The following UBR2 variants were observed in gnomAD, a reference collection of about 807,000 sequenced individuals.
The protein encoded by UBR2 is ubiquitin protein ligase E3 component n-recognin 2.
In UBR2, 92 loss-of-function variants were observed where a neutral mutation model predicts 247.9. That is an observed-to-expected ratio of 0.37 (90% confidence interval 0.31 to 0.44). The LOEUF (loss-of-function observed/expected upper bound fraction) is 0.44. UBR2 is among the 20% of genes least tolerant of loss of function. The pLI, the probability that UBR2 is intolerant of heterozygous loss-of-function variation, is 1.00. For missense variants in UBR2, 1,613 were observed against 2,112.6 expected, an observed-to-expected ratio of 0.76 and a Z score of 4.64; for synonymous variants, 672 against 693.5, an observed-to-expected ratio of 0.97 and a Z score of 0.49.
intron 38 of UBR2, among the ~76,000 whole-genome samples, chr6:42,674,714 T>C (rs1798626560): frequency 2.0e-5 from 3 of 151,550 alleles, no homozygotes; most frequent in Admixed American, 2.0e-4. Flanking sequence ...GTGACCAAGA[T>C]TGCATGACTG....
At chr6:42,638,614 C>T (rs546548083) in intron 15 of UBR2, among the ~76,000 whole-genome samples, 8 of 152,176 alleles carry the variant, frequency 5.3e-5, no homozygotes, top group Admixed American at 2.0e-4. Context: ...GTGTTTTGAG[C>T]AACTGAACTG....
At chr6:42,674,215 T>A in intron 38 of UBR2, 22 bp downstream of exon 38, 1 of 1,610,652 alleles carries the variant, frequency 6.2e-7, no homozygotes, top group Non-Finnish European at 8.5e-7. Flanking sequence ...GCAGTTTGTT[T>A]GGACTTCTAC....
At chr6:42,652,776 C>T (rs1797200150) in intron 25 of UBR2, 131 bp downstream of exon 25, 2 of 858,258 alleles carry the variant, frequency 2.3e-6, no homozygotes, top group Admixed American at 6.7e-5. Flanking sequence ...TATATTGTTA[C>T]TGCTTTTGTG....
intron 37 of UBR2, 68 bp downstream of exon 37, chr6:42,673,955 A>G: frequency 7.2e-7 from 1 of 1,390,170 alleles, no homozygotes; most frequent in Non-Finnish European, 1.0e-6. Context: ...TTAATGGTAC[A>G]GCTTCTCTCA....
rs192069753 is a variant in UBR2 at position 42,659,271 on chromosome 6, G to A, written c.3243-385G>A. On this transcript the variant is annotated intron_variant, in intron 29 of 46. Coordinates refer to ENST00000372901, the MANE Select transcript of UBR2 (RefSeq NM_001363705.2). This position sits in a 1 kb window ranked among gnomAD's most constrained non-coding sequence, Gnocchi z 4.3. ...AGCACTTCGGGAGGCCAAGGCGGGC[G>A]GATCACAAGGTGAGGAGTTCGAGAC... 2.0e-5 allele frequency among the ~76,000 whole-genome samples: 3 copies of A among 152,062 alleles called. No homozygotes were observed. Among genetic ancestry groups the A allele is most frequent in the South Asian group, 2.1e-4 (1 of 4,804 alleles).
At chr6:42,586,387 T>C (rs1301083294) in intron 2 of UBR2, among the ~76,000 whole-genome samples, 1 of 152,108 alleles carries the variant, frequency 6.6e-6, no homozygotes, top group East Asian at 1.9e-4. Context: ...ACTTGTTTTA[T>C]GGTTCGGCAA....
chr6:42,688,506 C>A, intron 45 of UBR2, 120 bp downstream of exon 45: 1 of 1,200,872 alleles, frequency 8.3e-7, no homozygotes, highest in Non-Finnish European at 1.2e-6. Flanking sequence ...TGATTCATTC[C>A]AGAAACGTGG....
intron 2 of UBR2, among the ~76,000 whole-genome samples, chr6:42,588,507 A>G (rs1792439021): frequency 6.6e-6 from 1 of 152,192 alleles, no homozygotes; most frequent in Middle Eastern, 3.2e-3. Flanking sequence ...CTGTCTCTGC[A>G]AAGGAAAAAT....
chr6:42,687,167 C>G (rs990563006), intron 44 of UBR2, among the ~76,000 whole-genome samples: 1 of 152,194 alleles, frequency 6.6e-6, no homozygotes, highest in African/African-American at 2.4e-5. Flanking sequence ...GAGCCGAGAT[C>G]GCGCCACTGC....
intron 43 of UBR2, 121 bp from the exon 44 acceptor site, chr6:42,684,673 A>G (rs1799269519): frequency 5.7e-6 from 3 of 528,332 alleles, no homozygotes; most frequent in Non-Finnish European, 9.7e-6. Flanking sequence ...GGCAATAGGT[A>G]AAGTAGTGAA....
chr6:42,645,293 G>C (rs1246156285), intron 20 of UBR2, among the ~76,000 whole-genome samples, 173 bp from the exon 21 acceptor site: 1 of 152,184 alleles, frequency 6.6e-6, no homozygotes, highest in Non-Finnish European at 1.5e-5. Context: ...CTGAGACACA[G>C]AAGCATGGTC....
At position 42,564,040 on chromosome 6, in the gene UBR2, CGA is replaced by C. The variant is rs1302284205; in HGVS notation, c.-276_-275del. The C allele has an allele frequency of 8.3e-6, 4 of 481,190 alleles. No individual in the cohort carries two copies. The South Asian group carries it at 8.5e-5, about 10-fold the overall frequency. The allele number at this position is 481,190 out of a possible 1,614,324, so 29.8% of individuals were successfully genotyped here. On this transcript the variant is annotated 5_prime_UTR_variant, in exon 1 of 47. Transcript: ENST00000372901. The stretch of plus-strand genomic sequence containing the variant: ...TGGTGCAGGACGCGGTAGTGGCCAG[CGA>C]GAGTGTCAGGCCTGGGGTTTTCTGT...
At chr6:42,575,282 G>A (rs1791433004) in intron 2 of UBR2, among the ~76,000 whole-genome samples, 1 of 152,200 alleles carries the variant, frequency 6.6e-6, no homozygotes, top group South Asian at 2.1e-4. Flanking sequence ...ATCTATGGTA[G>A]TTTTCTTTAT....
chr6:42,573,050 A>G (rs1237383555), intron 1 of UBR2, among the ~76,000 whole-genome samples: 1 of 152,108 alleles, frequency 6.6e-6, no homozygotes, highest in South Asian at 2.1e-4. Context: ...TTGGTGGAGC[A>G]TGGAGGGGAG....
At chr6:42,633,728 G>A (rs564317529) in intron 13 of UBR2, among the ~76,000 whole-genome samples, 1 of 147,936 alleles carries the variant, frequency 6.8e-6, no homozygotes, top group East Asian at 2.1e-4. Context: ...TTTTTGTTTT[G>A]TTTTGTTTTG....
chr6:42,572,898 C>T (rs1382227794), intron 1 of UBR2, among the ~76,000 whole-genome samples: 4 of 151,980 alleles, frequency 2.6e-5, no homozygotes. Context: ...AGAGAAGAGA[C>T]TTCACCATGT....
At chr6:42,650,140 A>C in intron 22 of UBR2, 144 bp from the exon 23 acceptor site, 1 of 626,512 alleles carries the variant, frequency 1.6e-6, no homozygotes, top group Non-Finnish European at 2.7e-6. Flanking sequence ...TAGACTGCCA[A>C]ATCAACCCAC....
In UBR2 at chr6:42,605,763, G is replaced by A. The variant is rs185199290; in HGVS notation, c.705G>A (p.Glu235=). 13 of 1,612,382 alleles carry A rather than the reference G, an allele frequency of 8.1e-6. No homozygotes were observed. The Admixed American group carries it at 1.5e-4, about 19-fold the overall frequency. Residue 235 remains glutamate (E), a synonymous_variant, in exon 6 of 47, where the codon GAG becomes GAA. Coordinates refer to ENST00000372901, the MANE Select transcript of UBR2 (RefSeq NM_001363705.2). ...DTYYCMLFND[E]VHTYEQVIYT... ...ACTATTGCATGCTGTTTAATGATGA[G>A]GTTCACACCTATGAACAAGTTATTT...
intron 8 of UBR2, among the ~76,000 whole-genome samples, chr6:42,614,201 A>ATATAT (rs1562310707): frequency 3.1e-4 from 19 of 60,786 alleles, no homozygotes; most frequent in Non-Finnish European, 5.9e-5. Flanking sequence ...AAAAAAAAAA[A>ATATAT]AAAACTATAT....
Sources: gnomAD v4.1 joint callset for allele counts (sites outside exome capture counted in the v4.1 genomes callset) on GRCh38, gnomAD v4.1.1 for gene constraint, Gnocchi (gnomAD v3.1) non-coding constraint, MANE v1.5 for transcripts, NCBI Gene and HGNC (gene_info 2026-07-23, HGNC 2026-07-21) for gene names.